Variants in CACNA2D3 observed in about 807,000 individuals in gnomAD.
The protein encoded by CACNA2D3 is calcium voltage-gated channel auxiliary subunit alpha2delta 3.
In CACNA2D3, 60 loss-of-function variants were observed where a neutral mutation model predicts 160.6. The observed-to-expected ratio is 0.37, with a 90% CI of 0.30 to 0.46. The LOEUF is 0.46. CACNA2D3 is among the 20% of genes least tolerant of loss of function. The pLI, the probability that CACNA2D3 is intolerant of heterozygous loss-of-function variation, is 1.00. For missense variants in CACNA2D3, 1,205 were observed against 1,365.0 expected, an observed-to-expected ratio of 0.88 and a Z score of 1.85; for synonymous variants, 558 against 492.9, an observed-to-expected ratio of 1.13 and a Z score of -1.75.
At chr3:54,924,607 G>A in intron 27 of CACNA2D3, 1 of 1,599,596 alleles carries the variant, frequency 6.3e-7, no homozygotes, top group Non-Finnish European at 8.6e-7. Context: ...GTTCCAAATA[G>A]ACATGACTGA....
chr3:54,162,808 C>G (rs80137354), intron 2 of CACNA2D3, among the ~76,000 whole-genome samples: 3,631 of 152,130 alleles, frequency 0.024, 240 homozygotes, highest in East Asian at 0.2. Context: ...TTCAGAGATA[C>G]GTAAGACAGA....
At chr3:54,618,352 C>CATATATAT (rs140732966) in intron 9 of CACNA2D3, among the ~76,000 whole-genome samples, 2,597 of 119,728 alleles carry the variant, frequency 0.022, 94 homozygotes, top group Admixed American at 0.077. Context: ...TTGATACATA[C>CATATATAT]ATATATATAT....
rs1203084303 is a variant in CACNA2D3 at position 55,074,382 on chromosome 3, A to AAAG, written c.*177_*179dup. The AAAG allele has an allele frequency of 1.5e-5, 9 of 582,318 alleles. No homozygotes were observed. Among genetic ancestry groups the AAAG allele is most frequent in the Admixed American group, 1.3e-4 (4 of 31,876 alleles). 36.1% of individuals were successfully genotyped at this position (582,318 alleles called of 1,614,324 possible). On this transcript the variant is annotated 3_prime_UTR_variant, in exon 38 of 38. Coordinates refer to ENST00000474759, the MANE Select transcript of CACNA2D3 (RefSeq NM_018398.3). ...TAAACTCTTAAAGATATGTTGACAAAAAGTTATCTATCATCTTTTTACTTT... is the reference window on the plus strand; with the variant it reads ...TAAACTCTTAAAGATATGTTGACAAAAAGAAGTTATCTATCATCTTTTTACTTT...
At chr3:55,009,675 T>C (rs1423798214) in intron 34 of CACNA2D3, among the ~76,000 whole-genome samples, 2 of 152,222 alleles carry the variant, frequency 1.3e-5, no homozygotes, top group East Asian at 1.9e-4. Context: ...TTGACCTGTT[T>C]CCTTAACTAA....
At chr3:54,204,693 G>A (rs1238630168) in intron 2 of CACNA2D3, among the ~76,000 whole-genome samples, 3 of 151,726 alleles carry the variant, frequency 2.0e-5, no homozygotes, top group African/African-American at 7.3e-5. Flanking sequence ...CTACTTGGGA[G>A]GCTGAGGCAG....
intron 12 of CACNA2D3, among the ~76,000 whole-genome samples, chr3:54,763,180 T>A (rs966752917): frequency 6.6e-6 from 1 of 151,880 alleles, no homozygotes; most frequent in Non-Finnish European, 1.5e-5. Flanking sequence ...GGGCTGAAAT[T>A]TTAGCCTCAA....
At chr3:54,883,135 T>C (rs1699841343) in intron 21 of CACNA2D3, among the ~76,000 whole-genome samples, 1 of 152,150 alleles carries the variant, frequency 6.6e-6, no homozygotes, top group Non-Finnish European at 1.5e-5. Context: ...GTGATTCTCC[T>C]GCCTCAGCCT....
intron 2 of CACNA2D3, among the ~76,000 whole-genome samples, chr3:54,268,446 G>T (rs1290194586): frequency 6.6e-6 from 1 of 152,156 alleles, no homozygotes; most frequent in Non-Finnish European, 1.5e-5. Flanking sequence ...TTTCACTCTT[G>T]TCGCCCAGGC....
chr3:54,506,984 T>TAC (rs1701381127), intron 5 of CACNA2D3, among the ~76,000 whole-genome samples: 2 of 151,998 alleles, frequency 1.3e-5, no homozygotes, highest in Non-Finnish European at 2.9e-5. Flanking sequence ...ACATTATATA[T>TAC]ACACACATAT....
chr3:54,411,059 G>C (rs911375657), intron 4 of CACNA2D3, among the ~76,000 whole-genome samples: 10 of 152,300 alleles, frequency 6.6e-5, no homozygotes, highest in African/African-American at 2.2e-4. Flanking sequence ...AAGAGGACTA[G>C]AATTAGAAAC....
chr3:54,949,992 T>C (rs952687935), intron 27 of CACNA2D3, among the ~76,000 whole-genome samples: 3 of 152,184 alleles, frequency 2.0e-5, no homozygotes, highest in Admixed American at 2.0e-4. Context: ...TAGTTTCCTT[T>C]AGGGGAAAAG....
intron 11 of CACNA2D3, among the ~76,000 whole-genome samples, chr3:54,661,500 A>G (rs1022854717): frequency 6.6e-5 from 10 of 151,932 alleles, no homozygotes; most frequent in South Asian, 2.1e-4. Context: ...TAACCCTCCT[A>G]AAGTACTGAC....
chr3:54,871,200 CA>C (rs1699520806), intron 17 of CACNA2D3, among the ~76,000 whole-genome samples: 1 of 94,102 alleles, frequency 1.1e-5, no homozygotes, highest in Non-Finnish European at 1.9e-5. Context: ...CACACACACA[CA>C]CACACACACA....
At chr3:54,984,101 C>T (rs1476965436) in intron 29 of CACNA2D3, among the ~76,000 whole-genome samples, 1 of 152,150 alleles carries the variant, frequency 6.6e-6, no homozygotes, top group African/African-American at 2.4e-5. Flanking sequence ...TCCCCCCTGC[C>T]TCAGTCTATG....
intron 4 of CACNA2D3, among the ~76,000 whole-genome samples, chr3:54,425,280 G>A (rs1488740882): frequency 1.3e-5 from 2 of 152,190 alleles, no homozygotes; most frequent in Admixed American, 1.3e-4. Flanking sequence ...GCAGTGAGCC[G>A]AGATCGTGCC....
rs183901489 is a variant in CACNA2D3 at position 54,908,490 on chromosome 3, T to G, written c.2449+8622T>G. Reference sequence around the variant, plus strand: ...CAATGCTTTGGGAGGCTGAGTCAGGTAGATTGCTTGAACCTAGGAGTTCAA... The same window carrying G: ...CAATGCTTTGGGAGGCTGAGTCAGGGAGATTGCTTGAACCTAGGAGTTCAA... On this transcript the variant is annotated intron_variant, in intron 27 of 37. Transcript: ENST00000474759. Among the ~76,000 whole-genome samples the G allele has an allele frequency of 3.3e-3, 497 of 152,138 alleles. 2 individuals carry two copies. Among genetic ancestry groups the G allele is most frequent in the African/African-American group, 0.011 (474 of 41,500 alleles).
chr3:55,067,101 C>CG (rs569501820), intron 35 of CACNA2D3, among the ~76,000 whole-genome samples: 3,458 of 150,428 alleles, frequency 0.023, 90 homozygotes, highest in Admixed American at 0.058. Context: ...TCTTTTGTAG[C>CG]GGGGGGGGCT....
chr3:54,141,418 C>G (rs932823564), intron 2 of CACNA2D3, among the ~76,000 whole-genome samples: 3 of 152,104 alleles, frequency 2.0e-5, no homozygotes, highest in African/African-American at 7.2e-5. Context: ...CCAACCTGTC[C>G]AAAACCTTCA....
intron 17 of CACNA2D3, among the ~76,000 whole-genome samples, chr3:54,849,762 T>G (rs1699015269): frequency 6.6e-6 from 1 of 152,196 alleles, no homozygotes; most frequent in Non-Finnish European, 1.5e-5. Context: ...TGTGGGGTTG[T>G]GGCCAGCATG....
Sources: allele counts gnomAD v4.1 joint callset (sites outside exome capture counted in the v4.1 genomes callset), GRCh38; gene constraint gnomAD v4.1.1; transcripts MANE v1.5; gene names NCBI Gene and HGNC (gene_info 2026-07-23, HGNC 2026-07-21).